HMGB1: variants seen among roughly 807,000 people sequenced by gnomAD.
HMGB1 encodes the protein high mobility group box 1, also known as high mobility group protein B1.
For synonymous variants in HMGB1, 81 were observed against 84.0 expected (o/e 0.96, Z 0.19); for missense variants, 79 against 253.5 (o/e 0.31, Z 4.67).
intron 1 of HMGB1, among the ~76,000 whole-genome samples, chr13:30,606,949 C>G (rs1950464491): frequency 6.6e-6 from 1 of 152,226 alleles, no homozygotes; most frequent in African/African-American, 2.4e-5. Context: ...TCCTCACTTA[C>G]ACTGTAAGAT....
intron 1 of HMGB1, among the ~76,000 whole-genome samples, chr13:30,565,762 T>C (rs985830721): frequency 6.6e-6 from 1 of 152,162 alleles, no homozygotes; most frequent in African/African-American, 2.4e-5. Context: ...GTGCTTCTCA[T>C]TTAAGTGAGA....
chr13:30,482,161 C>G (rs575027583), intron 1 of HMGB1, among the ~76,000 whole-genome samples: 3 of 152,330 alleles, frequency 2.0e-5, no homozygotes, highest in South Asian at 4.1e-4. Context: ...GGAGAAAGAA[C>G]TGAGGCAGGA....
At chr13:30,526,337 G>A (rs987703347) in intron 1 of HMGB1, among the ~76,000 whole-genome samples, 21 of 152,292 alleles carry the variant, frequency 1.4e-4, no homozygotes, top group African/African-American at 4.3e-4. Flanking sequence ...GTTTATAGGC[G>A]CAAGCCACTA....
At chr13:30,490,466 A>G (rs149284753) in intron 1 of HMGB1, among the ~76,000 whole-genome samples, 15 of 152,220 alleles carry the variant, frequency 9.9e-5, no homozygotes, top group African/African-American at 3.4e-4. Flanking sequence ...ATAGAAATGC[A>G]AAAGTTAGTT....
At chr13:30,592,477 C>T (rs1871411940) in intron 1 of HMGB1, among the ~76,000 whole-genome samples, 1 of 152,076 alleles carries the variant, frequency 6.6e-6, no homozygotes, top group Non-Finnish European at 1.5e-5. Flanking sequence ...TTTGGAAAAA[C>T]ATAGAAGTAT....
chr13:30,549,251 C>A (rs1282198457), intron 1 of HMGB1, among the ~76,000 whole-genome samples: 1 of 152,068 alleles, frequency 6.6e-6, no homozygotes, highest in Non-Finnish European at 1.5e-5. Flanking sequence ...CCACTGAACT[C>A]CAGCCTAGGT....
chr13:30,500,159 T>C (rs576173694), intron 1 of HMGB1, among the ~76,000 whole-genome samples: 2 of 152,310 alleles, frequency 1.3e-5, no homozygotes, highest in South Asian at 2.1e-4. Flanking sequence ...CTCTTTTGCA[T>C]GTCCTGCTTG....
chr13:30,572,102 T>C (rs541202445), intron 1 of HMGB1, among the ~76,000 whole-genome samples: 1 of 152,316 alleles, frequency 6.6e-6, no homozygotes, highest in Non-Finnish European at 1.5e-5. Context: ...GAACTGACTT[T>C]GAGTTAAAAC....
intron 1 of HMGB1, among the ~76,000 whole-genome samples, chr13:30,573,090 T>A (rs1302881911): frequency 6.6e-6 from 1 of 152,188 alleles, no homozygotes; most frequent in Non-Finnish European, 1.5e-5. Flanking sequence ...ACACAACTCA[T>A]TAATTATAGG....
In HMGB1 at chr13:30,489,130, A is replaced by G. The variant is rs573069648; in HGVS notation, c.-14-25436T>C. 4.6e-5 allele frequency among the ~76,000 whole-genome samples: 7 copies of G among 152,170 alleles called. No homozygotes were observed. The East Asian group carries it at 1.4e-3, about 29-fold the overall frequency. On this transcript the variant is annotated intron_variant, in intron 1 of 4. Transcript: ENST00000405805. ...AGGCTTAGCAACTGATGGATTTGAC[A>G]CTCTTTCTTCAGAAACACCATTAAC...
intron 1 of HMGB1, among the ~76,000 whole-genome samples, chr13:30,486,417 G>T (rs901082213): frequency 5.9e-5 from 9 of 152,214 alleles, no homozygotes; most frequent in Non-Finnish European, 1.0e-4. Context: ...GGCTCTGGGG[G>T]AGAGGAGACA....
At chr13:30,524,788 T>A (rs1360639385) in intron 1 of HMGB1, among the ~76,000 whole-genome samples, 1 of 58,114 alleles carries the variant, frequency 1.7e-5, no homozygotes, top group Non-Finnish European at 5.0e-5. Flanking sequence ...TACCAATATT[T>A]ATGTCTGTAA....
At chr13:30,469,881 G>C (rs770306031), upstream of HMGB1, among the ~76,000 whole-genome samples, 1 of 152,098 alleles carries the variant, frequency 6.6e-6, no homozygotes, top group Non-Finnish European at 1.5e-5. Context: ...CGCCCGCCTT[G>C]GCCTCCCAAA....
intron 1 of HMGB1, among the ~76,000 whole-genome samples, chr13:30,592,874 A>T (rs1308298776): frequency 1.4e-4 from 21 of 148,652 alleles, no homozygotes; most frequent in African/African-American, 4.9e-4. Context: ...TTTTTTTTAA[A>T]AAAAAAAAAA....
At chr13:30,537,819 T>C (rs1320175288) in intron 1 of HMGB1, among the ~76,000 whole-genome samples, 1 of 151,674 alleles carries the variant, frequency 6.6e-6, no homozygotes, top group African/African-American at 2.4e-5. Context: ...TGTAGTTCTG[T>C]TGGACGGCAT....
intron 1 of HMGB1, among the ~76,000 whole-genome samples, chr13:30,598,728 G>A (rs929778248): frequency 6.6e-6 from 1 of 152,140 alleles, no homozygotes; most frequent in African/African-American, 2.4e-5. Context: ...CAAAATAAAG[G>A]ATAAGACGAC....
chr13:30,615,250 G>A (rs1255429658), intron 1 of HMGB1, among the ~76,000 whole-genome samples: 3 of 151,982 alleles, frequency 2.0e-5, no homozygotes, highest in Non-Finnish European at 4.4e-5. Context: ...AATGTCTTAA[G>A]TTACTTTTTT....
chr13:30,558,404 T>G (rs1284708263), intron 1 of HMGB1, among the ~76,000 whole-genome samples: 4 of 152,086 alleles, frequency 2.6e-5, no homozygotes, highest in African/African-American at 4.8e-5. Context: ...TACATCTCAT[T>G]CTTAGCCAAA....
intron 1 of HMGB1, among the ~76,000 whole-genome samples, chr13:30,613,818 A>G (rs988464245): frequency 2.0e-5 from 3 of 152,188 alleles, no homozygotes; most frequent in African/African-American, 7.2e-5. Context: ...TGGCTAGGGC[A>G]CAAATATATT....
Sources: allele counts gnomAD v4.1 joint callset (sites outside exome capture counted in the v4.1 genomes callset), GRCh38; gene constraint gnomAD v4.1.1; transcripts MANE v1.5; gene names NCBI Gene and HGNC (gene_info 2026-07-23, HGNC 2026-07-21).